The following ARHGAP42 variants were observed in gnomAD, a reference collection of about 807,000 sequenced individuals.
ARHGAP42 encodes Rho GTPase activating protein 42, also known as rho GTPase-activating protein 42.
ARHGAP42 carries 63 observed loss-of-function variants against 125.0 expected under a neutral mutation model. That is an observed-to-expected ratio of 0.50 (90% CI 0.41 to 0.62). ARHGAP42 has a LOEUF of 0.62. Ranked by LOEUF, ARHGAP42 falls within the 20% of genes least tolerant of loss-of-function variation. ARHGAP42 has a pLI of 0.00. For missense variants in ARHGAP42, 766 were observed against 1,024.2 expected, an observed-to-expected ratio of 0.75 and a Z score of 3.44; for synonymous variants, 339 against 351.0, an observed-to-expected ratio of 0.97 and a Z score of 0.38.
intron 5 of ARHGAP42, among the ~76,000 whole-genome samples, chr11:100,915,035 A>T (rs1279564893): frequency 6.6e-6 from 1 of 152,120 alleles, no homozygotes; most frequent in Non-Finnish European, 1.5e-5. Flanking sequence ...ATATGGCTTC[A>T]TCAGTGTGCT....
At position 100,992,536 on chromosome 11, in the gene ARHGAP42, C is replaced by T; in HGVS notation, c.*3735C>T. ...GTTTTCTGAACATTCTGTGTCCTGC[C>T]TGTCTCCTGTTGATTCGCAGATGTA... On this transcript the variant is annotated 3_prime_UTR_variant, in exon 24 of 24. Coordinates refer to ENST00000298815, the MANE Select transcript of ARHGAP42 (RefSeq NM_152432.4). 6.2e-7 allele frequency: 1 copy of T among 1,614,046 alleles called. No homozygotes were observed. The highest frequency in any genetic ancestry group is 8.5e-7 in the Non-Finnish European group (1 of 1,179,946).
intron 3 of ARHGAP42, among the ~76,000 whole-genome samples, chr11:100,855,108 A>G (rs1181978235): frequency 6.6e-6 from 1 of 152,132 alleles, no homozygotes; most frequent in Non-Finnish European, 1.5e-5. Context: ...TAAATAGTGT[A>G]GCGTATTATA....
intron 8 of ARHGAP42, among the ~76,000 whole-genome samples, chr11:100,938,175 T>C (rs11224530): frequency 0.15 from 22,702 of 151,938 alleles, 1,944 homozygotes; most frequent in East Asian, 0.25. Context: ...GTCTATTCTG[T>C]CTTCTTGATA....
At chr11:100,721,330 T>A (rs1388345459) in intron 1 of ARHGAP42, among the ~76,000 whole-genome samples, 1 of 152,200 alleles carries the variant, frequency 6.6e-6, no homozygotes, top group Non-Finnish European at 1.5e-5. Flanking sequence ...ACTGCTTCTA[T>A]CGTTTTGCCT....
At chr11:100,751,201 A>T (rs1862444182) in intron 1 of ARHGAP42, among the ~76,000 whole-genome samples, 1 of 151,312 alleles carries the variant, frequency 6.6e-6, no homozygotes, top group African/African-American at 2.4e-5. Context: ...CGCCTCCCAA[A>T]GAGCTGGGAT....
rs867523862 is a variant in ARHGAP42, at chr11:100,962,342, C to T, written c.1386-67C>T. ...AACAGTCACCTAATTCTTAAAGAAA[C>T]ACTTAACGTTTAGGGGAGAATAAAA... is the stretch of plus-strand genomic sequence containing the variant. On this transcript the variant is annotated intron_variant, in intron 15 of 23. Coordinates refer to ENST00000298815, the MANE Select transcript of ARHGAP42 (RefSeq NM_152432.4). 4.0e-6 allele frequency: 5 copies of T among 1,261,798 alleles called. No individual in the cohort carries two copies. The Middle Eastern group carries it at 7.6e-4, about 192-fold the overall frequency. The allele number at this position is 1,261,798 out of a possible 1,614,324, so 78.2% of individuals were successfully genotyped here. A position where few individuals can be genotyped will look rare whatever the true frequency, so the allele number is the denominator to read the frequency against.
At chr11:100,893,670 C>T (rs986072635) in intron 4 of ARHGAP42, among the ~76,000 whole-genome samples, 3 of 151,908 alleles carry the variant, frequency 2.0e-5, no homozygotes, top group South Asian at 2.1e-4. Context: ...ATGTATCAAT[C>T]GGTGTATTAA....
chr11:100,797,248 G>A (rs1863739431), intron 3 of ARHGAP42, among the ~76,000 whole-genome samples: 1 of 152,214 alleles, frequency 6.6e-6, no homozygotes, highest in Admixed American at 6.5e-5. Context: ...AAAAGATCTG[G>A]CTGAGATCGT....
At chr11:100,751,470 T>C (rs962620567) in intron 1 of ARHGAP42, among the ~76,000 whole-genome samples, 1 of 151,822 alleles carries the variant, frequency 6.6e-6, no homozygotes, top group Admixed American at 6.6e-5. Context: ...TTTTATTTTT[T>C]TTTTTCTGCA....
chr11:100,962,983 G>C (rs1857994462), intron 16 of ARHGAP42, among the ~76,000 whole-genome samples: 1 of 152,238 alleles, frequency 6.6e-6, no homozygotes, highest in Admixed American at 6.5e-5. Context: ...TTGACACTTA[G>C]TGAGACCTCA....
chr11:100,972,161 A>G (rs1242830152), intron 17 of ARHGAP42, among the ~76,000 whole-genome samples: 18 of 152,174 alleles, frequency 1.2e-4, no homozygotes, highest in Non-Finnish European at 1.0e-4. Flanking sequence ...TGGATTTCCC[A>G]TAAAATCTTA....
chr11:100,909,148 A>G (rs926121601), intron 4 of ARHGAP42, among the ~76,000 whole-genome samples: 7 of 152,056 alleles, frequency 4.6e-5, no homozygotes, highest in African/African-American at 1.7e-4. Context: ...TGTTGGATGG[A>G]TTGTTTGCAA....
At chr11:100,867,476 C>T (rs1865597632) in intron 4 of ARHGAP42, among the ~76,000 whole-genome samples, 1 of 152,232 alleles carries the variant, frequency 6.6e-6, no homozygotes, top group Non-Finnish European at 1.5e-5. Flanking sequence ...CCCCATGAAC[C>T]AACCTCTGCT....
At chr11:100,778,565 T>C (rs2135003734) in intron 2 of ARHGAP42, among the ~76,000 whole-genome samples, 1 of 151,300 alleles carries the variant, frequency 6.6e-6, no homozygotes, top group Non-Finnish European at 1.5e-5. Context: ...GTTTTCCTGT[T>C]TTTTTTTTAA....
intron 4 of ARHGAP42, among the ~76,000 whole-genome samples, chr11:100,872,377 T>G (rs1591256694): frequency 6.6e-6 from 1 of 152,102 alleles, no homozygotes; most frequent in African/African-American, 2.4e-5. Flanking sequence ...TTCTTCCAAA[T>G]TAATGAGTTT....
At chr11:100,924,177 A>T (rs890244069) in intron 6 of ARHGAP42, among the ~76,000 whole-genome samples, 1 of 152,110 alleles carries the variant, frequency 6.6e-6, no homozygotes, top group Non-Finnish European at 1.5e-5. Flanking sequence ...GAGTAAAGCA[A>T]ATGGCCTGGG....
intron 4 of ARHGAP42, among the ~76,000 whole-genome samples, chr11:100,874,609 A>G (rs549911257): frequency 6.6e-6 from 1 of 152,242 alleles, no homozygotes; most frequent in African/African-American, 2.4e-5. Context: ...TTCACAGATG[A>G]GCCTCTTTGT....
chr11:100,836,693 T>G (rs1319740050), intron 3 of ARHGAP42, among the ~76,000 whole-genome samples: 1 of 151,010 alleles, frequency 6.6e-6, no homozygotes. Context: ...TAATTTGAGA[T>G]GTGTAAGGTT....
rs1310719305 is a variant in ARHGAP42 at position 100,993,220 on chromosome 11, A to T, written c.*4419A>T. On this transcript the variant is annotated 3_prime_UTR_variant, in exon 24 of 24. Transcript: ENST00000298815. ...TGCATCCAGAGTTGACAACAACTCA[A>T]TTTTGCCTTGAATTTACTCAGTCTT... is the stretch of plus-strand genomic sequence containing the variant. 6.0e-6 allele frequency: 1 copy of T among 167,398 alleles called. No individual in the cohort carries two copies. The allele number at this position is 167,398 out of a possible 1,614,324, so 10.4% of individuals were successfully genotyped here.
Sources: gnomAD v4.1 joint callset for allele counts (sites outside exome capture counted in the v4.1 genomes callset) on GRCh38, gnomAD v4.1.1 for gene constraint, MANE v1.5 for transcripts, NCBI Gene and HGNC (gene_info 2026-07-23, HGNC 2026-07-21) for gene names.